The following PPARGC1A variants were observed in gnomAD, a reference collection of about 807,000 sequenced individuals.
PPARGC1A encodes PPARG coactivator 1 alpha, also known as peroxisome proliferator-activated receptor gamma coactivator 1-alpha.
PPARGC1A carries 25 observed loss-of-function variants against 88.7 expected under a neutral mutation model. The observed-to-expected ratio is 0.28, with a 90% CI of 0.21 to 0.39. The LOEUF is 0.39. PPARGC1A is among the 10% of genes least tolerant of loss of function. The probability of loss-of-function intolerance (pLI) is 1.00; values close to 1 mark genes in which losing one functional copy is unlikely to be tolerated. For synonymous variants in PPARGC1A, 363 were observed against 355.6 expected (o/e 1.02, Z -0.24); for missense variants, 880 against 968.7 (o/e 0.91, Z 1.22).
chr4:23,874,580 G>A (rs1714303538), intron 2 of PPARGC1A, among the ~76,000 whole-genome samples: 1 of 151,690 alleles, frequency 6.6e-6, no homozygotes, highest in Non-Finnish European at 1.5e-5. Context: ...AAGGATATGA[G>A]AGAGTGTATA....
At chr4:24,220,922 A>T in the PPARGC1A span, among the ~76,000 whole-genome samples, 1 of 152,198 alleles carries the variant, frequency 6.6e-6, no homozygotes, top group East Asian at 1.9e-4. Context: ...CCTTTGCACA[A>T]CTCTAGGAAC....
At chr4:23,917,377 T>C in the PPARGC1A span, among the ~76,000 whole-genome samples, 4 of 18,264 alleles carry the variant, frequency 2.2e-4, no homozygotes, top group Admixed American at 2.6e-4. Context: ...TCTTTCTTTC[T>C]TTTTTTTTTT....
At chr4:24,102,239 A>G in the PPARGC1A span, among the ~76,000 whole-genome samples, 1 of 152,240 alleles carries the variant, frequency 6.6e-6, no homozygotes, top group African/African-American at 2.4e-5. Flanking sequence ...GTTTCACTTC[A>G]GTACAGACCA....
At chr4:24,035,501 G>A in the PPARGC1A span, among the ~76,000 whole-genome samples, 2 of 151,912 alleles carry the variant, frequency 1.3e-5, no homozygotes, top group Admixed American at 6.6e-5. Context: ...AGCCGAGATC[G>A]CGCCATCACA....
At chr4:23,885,127 C>T (rs1283912600) in intron 1 of PPARGC1A, among the ~76,000 whole-genome samples, 196 bp from the exon 2 acceptor site, 2 of 152,168 alleles carry the variant, frequency 1.3e-5, no homozygotes, top group Non-Finnish European at 2.9e-5. Flanking sequence ...AATTTCCCTG[C>T]TTTATTCCAT....
the PPARGC1A span, among the ~76,000 whole-genome samples, chr4:24,363,835 A>G: frequency 6.6e-6 from 1 of 152,172 alleles, no homozygotes; most frequent in Non-Finnish European, 1.5e-5. Context: ...AAGGAGCAGA[A>G]TTAATGTCGA....
chr4:24,426,973 T>A, the PPARGC1A span, among the ~76,000 whole-genome samples: 1 of 152,168 alleles, frequency 6.6e-6, no homozygotes, highest in East Asian at 1.9e-4. Context: ...GCTGCAAGAA[T>A]CTCAGTTAAT....
chr4:24,261,071 C>A, the PPARGC1A span, among the ~76,000 whole-genome samples: 1 of 152,152 alleles, frequency 6.6e-6, no homozygotes, highest in African/African-American at 2.4e-5. Flanking sequence ...GTTTCGCTGG[C>A]CTGTTTTCAT....
upstream of PPARGC1A, among the ~76,000 whole-genome samples, chr4:23,901,458 C>T (rs753757860): frequency 2.7e-5 from 4 of 147,798 alleles, no homozygotes; most frequent in Non-Finnish European, 5.9e-5. Context: ...GCAGAAGAAC[C>T]GCTTGAATGC....
chr4:23,901,287 G>T (rs181497519), upstream of PPARGC1A, among the ~76,000 whole-genome samples: 1,567 of 150,986 alleles, frequency 0.01, 22 homozygotes, highest in African/African-American at 0.035. Flanking sequence ...GGAGAATGGC[G>T]TGAACCCGGG....
the PPARGC1A span, among the ~76,000 whole-genome samples, chr4:23,990,104 ATG>A: frequency 7.2e-6 from 1 of 139,858 alleles, no homozygotes; most frequent in South Asian, 2.3e-4. Flanking sequence ...CATATTAATT[ATG>A]TATATATAAT....
At chr4:24,034,109 C>G in the PPARGC1A span, among the ~76,000 whole-genome samples, 4 of 152,138 alleles carry the variant, frequency 2.6e-5, no homozygotes, top group Non-Finnish European at 4.4e-5. Flanking sequence ...TATCCCTAAA[C>G]AAAGAAGCCT....
the PPARGC1A span, among the ~76,000 whole-genome samples, chr4:24,360,328 C>G: frequency 6.6e-6 from 1 of 152,180 alleles, no homozygotes; most frequent in South Asian, 2.1e-4. Flanking sequence ...AAACTCCACA[C>G]TATGGCTACT....
intron 10 of PPARGC1A, among the ~76,000 whole-genome samples, chr4:23,808,182 C>A (rs1400741651): frequency 7.1e-6 from 1 of 140,924 alleles, no homozygotes; most frequent in Non-Finnish European, 1.5e-5. Flanking sequence ...ACCCAGGAGG[C>A]GGAGCTTGCA....
the PPARGC1A span, among the ~76,000 whole-genome samples, chr4:24,049,319 T>TATATATATAC: frequency 1.4e-5 from 2 of 145,654 alleles, no homozygotes; most frequent in Non-Finnish European, 3.0e-5. Context: ...TATATATATA[T>TATATATATAC]ATATGTGTGT....
chr4:23,947,801 A>C, the PPARGC1A span, among the ~76,000 whole-genome samples: 1 of 152,038 alleles, frequency 6.6e-6, no homozygotes, highest in Admixed American at 6.6e-5. Flanking sequence ...TGCAGAGAGG[A>C]GCTCCATAAT....
upstream of PPARGC1A, among the ~76,000 whole-genome samples, chr4:23,900,158 C>T (rs879901756): frequency 4.6e-5 from 7 of 152,132 alleles, no homozygotes; most frequent in Non-Finnish European, 7.3e-5. Flanking sequence ...TTAAGTTTCT[C>T]GATCTATTTC....
the PPARGC1A span, among the ~76,000 whole-genome samples, chr4:24,273,887 C>T: frequency 2.0e-5 from 3 of 151,636 alleles, no homozygotes; most frequent in Non-Finnish European, 4.4e-5. Context: ...CCCGCCACCA[C>T]GCCCAGCTAA....
the PPARGC1A span, among the ~76,000 whole-genome samples, chr4:24,429,825 T>C: frequency 6.6e-6 from 1 of 151,998 alleles, no homozygotes; most frequent in Non-Finnish European, 1.5e-5. Flanking sequence ...CTACTTTTTA[T>C]ATTTTTGTAG....
Sources: allele counts gnomAD v4.1 joint callset (sites outside exome capture counted in the v4.1 genomes callset), GRCh38; gene constraint gnomAD v4.1.1; transcripts MANE v1.5; gene names NCBI Gene and HGNC (gene_info 2026-07-23, HGNC 2026-07-21).